ADCY8: variants seen among roughly 807,000 people sequenced by gnomAD.
ADCY8 encodes the protein adenylate cyclase 8.
In ADCY8, 51 loss-of-function variants were observed where a neutral mutation model predicts 119.7. The ratio of observed to expected loss-of-function variants is 0.43; its 90% CI spans 0.34 to 0.54. The LOEUF is 0.54. Among genes scored for constraint, ADCY8 ranks in the 20% least tolerant of loss-of-function variants. The probability of loss-of-function intolerance (pLI) is 0.03; values close to 1 mark genes in which losing one functional copy is unlikely to be tolerated. For synonymous variants in ADCY8, 665 were observed against 651.0 expected (o/e 1.02, Z -0.33); for missense variants, 1,383 against 1,598.8 (o/e 0.87, Z 2.30).
chr8:130,993,764 C>T (rs1822677345), intron 1 of ADCY8, among the ~76,000 whole-genome samples: 1 of 152,174 alleles, frequency 6.6e-6, no homozygotes, highest in South Asian at 2.1e-4. Context: ...GTCCATTAAT[C>T]CTCTTTTCTT....
chr8:130,791,473 T>C (rs1483226906), intron 15 of ADCY8, among the ~76,000 whole-genome samples: 1 of 152,252 alleles, frequency 6.6e-6, no homozygotes, highest in Non-Finnish European at 1.5e-5. Flanking sequence ...GCTTACGACA[T>C]ACTGATTTAA....
intron 7 of ADCY8, among the ~76,000 whole-genome samples, chr8:130,899,517 A>G (rs996395044): frequency 2.6e-5 from 4 of 152,162 alleles, no homozygotes; most frequent in African/African-American, 9.7e-5. Context: ...GAGTTGGAAG[A>G]ATCGCTGGAA....
chr8:130,936,353 A>T (rs12680511), intron 5 of ADCY8, among the ~76,000 whole-genome samples: 1 of 152,172 alleles, frequency 6.6e-6, no homozygotes, highest in Non-Finnish European at 1.5e-5. Flanking sequence ...ACATCCATGA[A>T]GCCAACCCTG....
At chr8:130,977,089 T>TG in intron 2 of ADCY8, among the ~76,000 whole-genome samples, 1 of 152,308 alleles carries the variant, frequency 6.6e-6, no homozygotes, top group East Asian at 1.9e-4. Flanking sequence ...GATCAGAGGC[T>TG]GGAAGTCTCC....
chr8:130,808,886 CTT>C (rs1203181484), intron 14 of ADCY8, among the ~76,000 whole-genome samples: 16 of 110,216 alleles, frequency 1.5e-4, no homozygotes, highest in Non-Finnish European at 4.3e-5. Context: ...TTGCTAGTGT[CTT>C]TTCAACAACT....
chr8:130,861,234 A>T (rs1215986797), intron 9 of ADCY8, among the ~76,000 whole-genome samples: 1 of 152,202 alleles, frequency 6.6e-6, no homozygotes, highest in Non-Finnish European at 1.5e-5. Flanking sequence ...TGATATTATA[A>T]AACAGCTTGC....
At chr8:130,982,281 A>T (rs1482405015) in intron 2 of ADCY8, among the ~76,000 whole-genome samples, 1 of 152,228 alleles carries the variant, frequency 6.6e-6, no homozygotes, top group Non-Finnish European at 1.5e-5. Flanking sequence ...GCTAACCCTG[A>T]TATAAAACAG....
Position 130,937,159 on chromosome 8 carries a change from G to A in ADCY8, c.1395C>T (p.Tyr465=). 1.2e-6 allele frequency: 2 copies of A among 1,613,848 alleles called. No homozygotes were observed. The highest frequency in any genetic ancestry group is 1.3e-5 in the African/African-American group (1 of 75,008). ...CLRIKILGDC[Y]YCVSGLPEPR... ...GCTCAGGAAGTCCAGACACGCAGTA[G>A]TAGCAGTCCCCCAGGATTTTAATAC... The change falls in exon 5 of 18, where the codon TAC becomes TAT. Residue 465 remains tyrosine (Y), a synonymous_variant. Transcript: ENST00000286355.
rs77927317 is a variant in ADCY8 at position 130,799,670 on chromosome 8, A to G, written c.3060+756T>C. 5.7e-3 allele frequency among the ~76,000 whole-genome samples: 870 copies of G among 152,388 alleles called. 7 individuals are homozygous for G. Among genetic ancestry groups the G allele is most frequent in the African/African-American group, 0.02 (825 of 41,594 alleles). ...CCCCTACCAGGGCAGCCCATGACCA[A>G]TAATGACTGACCAATATGGGTATCC... On this transcript the variant is annotated intron_variant, in intron 15 of 17. Transcript: ENST00000286355.
chr8:130,835,999 T>C (rs1816974094), intron 12 of ADCY8, among the ~76,000 whole-genome samples: 1 of 152,154 alleles, frequency 6.6e-6, no homozygotes. Context: ...TTGAAGCCAC[T>C]AAATTTGAAG....
At chr8:131,017,406 G>T (rs1175597064) in intron 1 of ADCY8, among the ~76,000 whole-genome samples, 1 of 152,184 alleles carries the variant, frequency 6.6e-6, no homozygotes, top group Non-Finnish European at 1.5e-5. Flanking sequence ...GCAGGCAGCA[G>T]TCGGAGCTAG....
chr8:130,869,686 T>G (rs1818266751), intron 8 of ADCY8, among the ~76,000 whole-genome samples: 12 of 151,676 alleles, frequency 7.9e-5, no homozygotes, highest in Non-Finnish European at 1.5e-5. Context: ...CCTGGCTATT[T>G]TTTTGTATTT....
At chr8:130,858,373 T>C (rs1433151378) in intron 9 of ADCY8, among the ~76,000 whole-genome samples, 3 of 152,194 alleles carry the variant, frequency 2.0e-5, no homozygotes, top group Admixed American at 1.3e-4. Context: ...TTGTTTTACA[T>C]GACTTTGACA....
chr8:130,972,487 G>T (rs1821951908), intron 2 of ADCY8, among the ~76,000 whole-genome samples: 2 of 152,052 alleles, frequency 1.3e-5, no homozygotes, highest in Non-Finnish European at 1.5e-5. Flanking sequence ...AATTTGCAAG[G>T]TAATAATAAT....
chr8:130,965,403 GATCAGTC>G (rs1821731831), intron 2 of ADCY8, among the ~76,000 whole-genome samples: 1 of 152,180 alleles, frequency 6.6e-6, no homozygotes, highest in Non-Finnish European at 1.5e-5. Context: ...TGGGTGACAA[GATCAGTC>G]ATTCCCCAAA....
At chr8:131,030,904 G>A (rs1823976672) in intron 1 of ADCY8, among the ~76,000 whole-genome samples, 1 of 152,130 alleles carries the variant, frequency 6.6e-6, no homozygotes, top group African/African-American at 2.4e-5. Flanking sequence ...CTCCTCAAAG[G>A]GGCACAAATT....
intron 14 of ADCY8, among the ~76,000 whole-genome samples, chr8:130,808,924 G>A (rs1380573448): frequency 6.6e-6 from 1 of 151,846 alleles, no homozygotes; most frequent in Non-Finnish European, 1.5e-5. Flanking sequence ...ATGAGCCAGT[G>A]GGTTTCCCGG....
chr8:130,899,761 T>C (rs1819534734), intron 7 of ADCY8, among the ~76,000 whole-genome samples: 1 of 152,220 alleles, frequency 6.6e-6, no homozygotes, highest in Admixed American at 6.5e-5. Flanking sequence ...ACTCAGAGCA[T>C]GCAGCAGAAA....
intron 8 of ADCY8, among the ~76,000 whole-genome samples, chr8:130,870,018 C>CAT (rs1554610130): frequency 1.7e-5 from 2 of 115,884 alleles, no homozygotes; most frequent in Admixed American, 1.8e-4. Flanking sequence ...CTTTCTTCTT[C>CAT]TTTTTTTTTT....
Sources: allele counts gnomAD v4.1 joint callset (sites outside exome capture counted in the v4.1 genomes callset), GRCh38; gene constraint gnomAD v4.1.1; transcripts MANE v1.5; gene names NCBI Gene and HGNC (gene_info 2026-07-23, HGNC 2026-07-21).